The following NIPBL variants were observed in gnomAD, a reference collection of about 807,000 sequenced individuals.
The protein encoded by NIPBL is NIPBL cohesin loading factor, also known as nipped-B-like protein.
NIPBL carries 19 observed loss-of-function variants against 321.8 expected under a neutral mutation model. That is an observed-to-expected ratio of 0.06 (90% CI 0.04 to 0.09). The LOEUF (loss-of-function observed/expected upper bound fraction) is 0.09, where lower values mean the gene tolerates loss of function less well. Ranked by LOEUF, NIPBL falls within the 10% of genes least tolerant of loss-of-function variation. NIPBL has a pLI of 1.00. For missense variants in NIPBL, 2,210 were observed against 3,327.0 expected, an observed-to-expected ratio of 0.66 and a Z score of 8.26; for synonymous variants, 1,106 against 1,114.1, an observed-to-expected ratio of 0.99 and a Z score of 0.14.
chr5:36,943,092 A>G (rs1251209201), intron 1 of NIPBL, among the ~76,000 whole-genome samples: 3 of 152,124 alleles, frequency 2.0e-5, no homozygotes, highest in Non-Finnish European at 4.4e-5. Flanking sequence ...TTTTTCTCAA[A>G]TATTTTCAGT....
intron 1 of NIPBL, among the ~76,000 whole-genome samples, chr5:36,917,881 A>C (rs1387873252): frequency 6.6e-6 from 1 of 152,146 alleles, no homozygotes; most frequent in African/African-American, 2.4e-5. Flanking sequence ...CCATTGGTCT[A>C]TATCTCTGTT....
At chr5:36,954,362 T>C (rs1252469682) in intron 2 of NIPBL, among the ~76,000 whole-genome samples, 1 of 152,192 alleles carries the variant, frequency 6.6e-6, no homozygotes, top group East Asian at 1.9e-4. Context: ...GCTTTTGTTT[T>C]GTTTTGTGAA....
chr5:37,032,386 C>CGTGTGTGTGTGTGTGTGTGT (rs58831894), intron 32 of NIPBL, among the ~76,000 whole-genome samples: 15 of 123,598 alleles, frequency 1.2e-4, no homozygotes, highest in Non-Finnish European at 1.7e-4. Flanking sequence ...TACATGTATA[C>CGTGTGTGTGTGTGTGTGTGT]GTGTGTGTGT....
intron 1 of NIPBL, among the ~76,000 whole-genome samples, chr5:36,910,386 A>G (rs993070105): frequency 1.2e-4 from 18 of 152,168 alleles, no homozygotes; most frequent in African/African-American, 4.3e-4. Context: ...TAATGGGGCA[A>G]TAAGCAGCAC....
chr5:36,961,937 A>C (rs1392631751), intron 5 of NIPBL, among the ~76,000 whole-genome samples, 186 bp from the exon 6 acceptor site: 1 of 152,162 alleles, frequency 6.6e-6, no homozygotes, highest in Non-Finnish European at 1.5e-5. Context: ...TTTTTATTGT[A>C]ACTCTTTGAT....
Position 36,999,112 on chromosome 5 carries a change from A to C in NIPBL, c.3305-1261A>C, listed in dbSNP as rs182899364. On this transcript the variant is annotated intron_variant, in intron 11 of 46. Transcript: ENST00000282516. ...ACAGGAGTAGTTAGGGTAGCATTTAAGAATAAGATTAGACAGAGTATAGAC... is the reference window on the plus strand; with the variant it reads ...ACAGGAGTAGTTAGGGTAGCATTTACGAATAAGATTAGACAGAGTATAGAC... Among the ~76,000 whole-genome samples the C allele has an allele frequency of 3.4e-3, 511 of 152,306 alleles. 2 individuals are homozygous for C. The highest frequency in any genetic ancestry group is 0.012 in the African/African-American group (491 of 41,564).
In NIPBL at chr5:37,057,198, A is replaced by G; in HGVS notation, c.7276A>G (p.Thr2426Ala). 1 of 1,613,718 alleles carries G rather than the reference A, an allele frequency of 6.2e-7. No individual in the cohort carries two copies. ...LFDDTAKTDV[T>A]MLLYIADNLA... ...TTAAAATTTACAGAAAACAGACGTG[A>G]CTATGCTCTTGTATATAGCAGACAA... The change falls in exon 43 of 47, where the codon ACT becomes GCT. Residue 2426 changes from threonine to alanine, a missense_variant. Thr to Ala is a moderately conservative substitution (Grantham distance 58, BLOSUM62 0). This residue lies in a region of NIPBL where 112 missense variants were observed against 288.3 expected (regional missense o/e 0.39). Transcript: ENST00000282516.
intron 33 of NIPBL, among the ~76,000 whole-genome samples, chr5:37,037,865 TTC>T (rs1175392252): frequency 6.6e-6 from 1 of 152,060 alleles, no homozygotes; most frequent in Admixed American, 6.5e-5. Context: ...TTGTTCCAAT[TTC>T]TGTTTGTTGC....
At chr5:37,021,961 G>T (rs1182985356) in intron 27 of NIPBL, 90 bp from the exon 28 acceptor site, 1 of 939,670 alleles carries the variant, frequency 1.1e-6, no homozygotes, top group Non-Finnish European at 1.7e-6. Context: ...GTAAATAATA[G>T]ATTTGTTTTC....
chr5:36,918,166 T>C (rs893441546), intron 1 of NIPBL, among the ~76,000 whole-genome samples: 1 of 152,056 alleles, frequency 6.6e-6, no homozygotes, highest in Non-Finnish European at 1.5e-5. Flanking sequence ...GCATGGAATG[T>C]TCTTCCATTT....
At position 36,991,825 on chromosome 5, in the gene NIPBL, G is replaced by T. The variant is rs190402991; in HGVS notation, c.3122-3797G>T. ...TTAGTTTTGTTTCTGAACGTGACTT[G>T]TTTCCATTGACCAAAGCTTCACTTC... On this transcript the variant is annotated intron_variant, in intron 10 of 46. Transcript: ENST00000282516. Among the ~76,000 whole-genome samples the T allele has an allele frequency of 8.3e-3, 1,210 of 146,648 alleles. 12 individuals carry two copies. The highest frequency in any genetic ancestry group is 0.029 in the African/African-American group (1,150 of 39,818).
intron 4 of NIPBL, among the ~76,000 whole-genome samples, chr5:36,959,973 C>T (rs1332127183): frequency 6.6e-6 from 1 of 151,894 alleles, no homozygotes; most frequent in Non-Finnish European, 1.5e-5. Flanking sequence ...TGGCTCACGC[C>T]TGTAATCCTG....
At chr5:37,038,301 G>A (rs1168732750) in intron 33 of NIPBL, among the ~76,000 whole-genome samples, 1 of 151,978 alleles carries the variant, frequency 6.6e-6, no homozygotes, top group African/African-American at 2.4e-5. Flanking sequence ...ATTGATTTTA[G>A]ATAAAACCAA....
intron 1 of NIPBL, among the ~76,000 whole-genome samples, chr5:36,898,250 T>C (rs571322468): frequency 6.6e-6 from 1 of 152,318 alleles, no homozygotes; most frequent in Admixed American, 6.5e-5. Context: ...TTGTATCCTC[T>C]ATTATCATTA....
intron 1 of NIPBL, among the ~76,000 whole-genome samples, chr5:36,942,533 A>G (rs1458662945): frequency 6.7e-6 from 1 of 150,032 alleles, no homozygotes; most frequent in African/African-American, 2.5e-5. Context: ...TGAGGTCAGG[A>G]GTTCGAGACC....
At chr5:36,941,151 G>A (rs189860971) in intron 1 of NIPBL, among the ~76,000 whole-genome samples, 4 of 152,036 alleles carry the variant, frequency 2.6e-5, no homozygotes, top group Non-Finnish European at 4.4e-5. Flanking sequence ...CATCTCCCAG[G>A]GATAAGAAAA....
At chr5:37,009,982 C>G in intron 20 of NIPBL, 105 bp from the exon 21 acceptor site, 2 of 882,370 alleles carry the variant, frequency 2.3e-6, no homozygotes, top group Non-Finnish European at 3.7e-6. Flanking sequence ...TAAGATCATG[C>G]CTAGAAATAT....
intron 4 of NIPBL, 113 bp from the exon 5 acceptor site, chr5:36,961,371 A>T: frequency 2.7e-6 from 2 of 736,148 alleles, no homozygotes; most frequent in South Asian, 3.0e-5. Context: ...TGAAATGAAA[A>T]CATTGATCAA....
At chr5:37,009,825 A>G (rs1747896448) in intron 20 of NIPBL, among the ~76,000 whole-genome samples, 2 of 152,222 alleles carry the variant, frequency 1.3e-5, no homozygotes. Flanking sequence ...ATGAATTTTT[A>G]TCTGCAATGT....
Sources: gnomAD v4.1 joint callset for allele counts (sites outside exome capture counted in the v4.1 genomes callset) on GRCh38, gnomAD v4.1.1 for gene constraint, gnomAD v4.1.1 regional missense constraint, MANE v1.5 for transcripts, NCBI Gene and HGNC (gene_info 2026-07-23, HGNC 2026-07-21) for gene names.